HS6ST3: variants seen among roughly 807,000 people sequenced by gnomAD.
HS6ST3 encodes heparan-sulfate 6-O-sulfotransferase 3.
HS6ST3 carries 12 observed loss-of-function variants against 36.7 expected under a neutral mutation model. The observed-to-expected ratio is 0.33, with a 90% confidence interval of 0.21 to 0.53. HS6ST3 has a LOEUF of 0.53. Among genes scored for constraint, HS6ST3 ranks in the 20% least tolerant of loss-of-function variants. The pLI, the probability that HS6ST3 is intolerant of heterozygous loss-of-function variation, is 0.95. For synonymous variants in HS6ST3, 240 were observed against 257.5 expected (o/e 0.93, Z 0.65); for missense variants, 584 against 640.9 (o/e 0.91, Z 0.96).
At chr13:96,739,756 G>A (rs1286492859) in intron 1 of HS6ST3, among the ~76,000 whole-genome samples, 4 of 152,196 alleles carry the variant, frequency 2.6e-5, no homozygotes, top group South Asian at 2.1e-4. Flanking sequence ...AGCATCCAGC[G>A]CAGCCCACCA....
At chr13:96,266,810 A>T (rs2054694610) in intron 1 of HS6ST3, among the ~76,000 whole-genome samples, 2 of 152,310 alleles carry the variant, frequency 1.3e-5, no homozygotes, top group East Asian at 3.9e-4. Flanking sequence ...TATATGCCAC[A>T]CACATTCCAG....
chr13:96,777,310 C>T (rs1877412504), intron 1 of HS6ST3, among the ~76,000 whole-genome samples: 1 of 152,168 alleles, frequency 6.6e-6, no homozygotes, highest in Non-Finnish European at 1.5e-5. Flanking sequence ...CTCACCACTC[C>T]TATTCAACAT....
At chr13:96,115,213 AG>A (rs1290541360) in intron 1 of HS6ST3, among the ~76,000 whole-genome samples, 1 of 152,160 alleles carries the variant, frequency 6.6e-6, no homozygotes, top group East Asian at 1.9e-4. Context: ...CATTAGTTGG[AG>A]CTGACATACT....
At chr13:96,307,004 G>A (rs1461217321) in intron 1 of HS6ST3, among the ~76,000 whole-genome samples, 1 of 152,118 alleles carries the variant, frequency 6.6e-6, no homozygotes, top group Admixed American at 6.6e-5. Flanking sequence ...CTCCATCAAT[G>A]TTAGGATCCA....
At position 96,832,565 on chromosome 13, in the gene HS6ST3, G is replaced by C; in HGVS notation, c.783G>C (p.Gly261=). The part of the protein sequence containing the change: ...YLSEWKHVQR[G]ATWKTSLHMC... The stretch of plus-strand genomic sequence containing the variant: ...GCGAGTGGAAACATGTCCAGAGAGG[G>C]GCCACTTGGAAAACCTCTCTTCATA... Residue 261 remains glycine, a synonymous_variant, in exon 2 of 2, where the codon GGG becomes GGC. Transcript: ENST00000376705. The C allele has an allele frequency of 6.2e-7, 1 of 1,613,624 alleles. No individual in the cohort carries two copies. Among genetic ancestry groups the C allele is most frequent in the Non-Finnish European group, 8.5e-7 (1 of 1,179,776 alleles).
At chr13:96,737,012 A>G (rs1018182608) in intron 1 of HS6ST3, among the ~76,000 whole-genome samples, 1 of 152,186 alleles carries the variant, frequency 6.6e-6, no homozygotes, top group African/African-American at 2.4e-5. Context: ...CTTCTAACTA[A>G]GAAAAACAAA....
At chr13:96,342,189 C>T (rs1401957416) in intron 1 of HS6ST3, among the ~76,000 whole-genome samples, 1 of 152,116 alleles carries the variant, frequency 6.6e-6, no homozygotes, top group African/African-American at 2.4e-5. Context: ...TTGTCATTCA[C>T]AGTTTGAGGT....
At chr13:96,556,695 A>C (rs1460437038) in intron 1 of HS6ST3, among the ~76,000 whole-genome samples, 1 of 152,160 alleles carries the variant, frequency 6.6e-6, no homozygotes, top group Non-Finnish European at 1.5e-5. Flanking sequence ...ATGAGGCTTG[A>C]TTGGACTATG....
intron 1 of HS6ST3, among the ~76,000 whole-genome samples, chr13:96,163,692 A>G (rs1452881010): frequency 6.6e-6 from 1 of 152,212 alleles, no homozygotes; most frequent in Non-Finnish European, 1.5e-5. Context: ...TATTTAATAT[A>G]TCAATAGCTT....
At chr13:96,145,597 G>T (rs2054054125) in intron 1 of HS6ST3, among the ~76,000 whole-genome samples, 1 of 152,038 alleles carries the variant, frequency 6.6e-6, no homozygotes, top group Non-Finnish European at 1.5e-5. Flanking sequence ...CTCCCATTCT[G>T]TAGGTTGCCT....
chr13:96,117,588 A>G (rs2053899753), intron 1 of HS6ST3, among the ~76,000 whole-genome samples: 1 of 152,206 alleles, frequency 6.6e-6, no homozygotes, highest in Admixed American at 6.5e-5. Context: ...CTATGAAAAT[A>G]TGCAGTGATG....
At chr13:96,381,222 T>G (rs1435926002) in intron 1 of HS6ST3, among the ~76,000 whole-genome samples, 1 of 152,192 alleles carries the variant, frequency 6.6e-6, no homozygotes, top group African/African-American at 2.4e-5. Context: ...TTTTCTTTGG[T>G]GGTTAGCAGA....
intron 1 of HS6ST3, among the ~76,000 whole-genome samples, chr13:96,357,238 A>G (rs1458307572): frequency 6.6e-6 from 1 of 152,194 alleles, no homozygotes; most frequent in Non-Finnish European, 1.5e-5. Flanking sequence ...TTGTGTGTCC[A>G]CTGGAGTAGC....
intron 1 of HS6ST3, among the ~76,000 whole-genome samples, chr13:96,658,437 C>G (rs1053033425): frequency 2.0e-5 from 3 of 150,900 alleles, no homozygotes; most frequent in Non-Finnish European, 3.0e-5. Context: ...TGCACCTCCA[C>G]GCCTGGCTAA....
At chr13:96,808,087 G>A (rs988695762) in intron 1 of HS6ST3, among the ~76,000 whole-genome samples, 1 of 152,098 alleles carries the variant, frequency 6.6e-6, no homozygotes, top group East Asian at 1.9e-4. Flanking sequence ...AAAAATAATG[G>A]AATAGAAAGT....
At chr13:96,122,236 G>A (rs1285006548) in intron 1 of HS6ST3, among the ~76,000 whole-genome samples, 4 of 151,610 alleles carry the variant, frequency 2.6e-5, no homozygotes, top group Non-Finnish European at 4.4e-5. Context: ...ACCAGGATTT[G>A]ATATCAGGAG....
At chr13:96,826,482 T>G (rs952137198) in intron 1 of HS6ST3, among the ~76,000 whole-genome samples, 3 of 152,106 alleles carry the variant, frequency 2.0e-5, no homozygotes, top group African/African-American at 7.2e-5. Flanking sequence ...GCTAGGGATC[T>G]GAGGCCTAAG....
intron 1 of HS6ST3, among the ~76,000 whole-genome samples, chr13:96,718,784 A>G (rs1417067218): frequency 6.6e-6 from 1 of 152,334 alleles, no homozygotes; most frequent in Middle Eastern, 3.4e-3. Flanking sequence ...ATGAATGCTT[A>G]TATCTGGTAA....
intron 1 of HS6ST3, among the ~76,000 whole-genome samples, chr13:96,158,474 A>C (rs774044113): frequency 1.3e-5 from 2 of 151,832 alleles, no homozygotes; most frequent in African/African-American, 2.4e-5. Flanking sequence ...AACATGGTGA[A>C]ACCCTGTCTT....
Sources: allele counts gnomAD v4.1 joint callset (sites outside exome capture counted in the v4.1 genomes callset), GRCh38; gene constraint gnomAD v4.1.1; transcripts MANE v1.5; gene names NCBI Gene and HGNC (gene_info 2026-07-23, HGNC 2026-07-21).